LHFPL3: variants seen among roughly 807,000 people sequenced by gnomAD.
LHFPL3 encodes LHFPL tetraspan subfamily member 3, also known as LHFPL tetraspan subfamily member 3 protein.
LHFPL3 carries 5 observed loss-of-function variants against 19.3 expected under a neutral mutation model. That is an observed-to-expected ratio of 0.26 (90% CI 0.14 to 0.54). LHFPL3 has a LOEUF of 0.54. Ranked by LOEUF, LHFPL3 falls within the 20% of genes least tolerant of loss-of-function variation. LHFPL3 has a pLI of 0.94. For synonymous variants in LHFPL3, 133 were observed against 126.2 expected (o/e 1.05, Z -0.36); for missense variants, 249 against 307.4 (o/e 0.81, Z 1.42).
At chr7:104,676,889 A>G (rs532492552) in intron 1 of LHFPL3, among the ~76,000 whole-genome samples, 2 of 152,300 alleles carry the variant, frequency 1.3e-5, no homozygotes, top group Admixed American at 1.3e-4. Flanking sequence ...CTGATTCTAG[A>G]GGTGTAATCA....
At chr7:104,898,006 CTTTTTTTT>C (rs71155536) in intron 2 of LHFPL3, among the ~76,000 whole-genome samples, 1 of 96,806 alleles carries the variant, frequency 1.0e-5, no homozygotes. Context: ...AATGTCACCC[CTTTTTTTT>C]TTTTTTTTTT....
intron 1 of LHFPL3, among the ~76,000 whole-genome samples, chr7:104,346,638 C>A (rs772371592): frequency 1.3e-5 from 2 of 151,960 alleles, no homozygotes; most frequent in Admixed American, 1.3e-4. Flanking sequence ...AAGTTCTCCA[C>A]TTCCAGTGAC....
At chr7:104,346,912 C>T (rs1203963128) in intron 1 of LHFPL3, among the ~76,000 whole-genome samples, 1 of 147,210 alleles carries the variant, frequency 6.8e-6, no homozygotes, top group Non-Finnish European at 1.5e-5. Context: ...AATGTGGCGG[C>T]CATTATACCA....
rs186042976 is a variant in LHFPL3, at chr7:104,665,165, C to T, written c.446-71510C>T. Among the ~76,000 whole-genome samples, 67 of 152,242 alleles carry T rather than the reference C, an allele frequency of 4.4e-4. No homozygotes were observed. The East Asian group carries it at 0.012, about 27-fold the overall frequency. ...TGGTTTTCAAAATAGGTCATTCACT[C>T]GGTGTTGGAAACAATAGGTCATGTT... is the stretch of plus-strand genomic sequence containing the variant. On this transcript the variant is annotated intron_variant, in intron 1 of 2. Transcript: ENST00000424859.
At chr7:104,716,655 T>C (rs1301975375) in intron 1 of LHFPL3, among the ~76,000 whole-genome samples, 1 of 152,022 alleles carries the variant, frequency 6.6e-6, no homozygotes, top group Non-Finnish European at 1.5e-5. Context: ...CCACAATACG[T>C]TGATGAAAGA....
intron 1 of LHFPL3, among the ~76,000 whole-genome samples, chr7:104,450,281 C>T (rs1451910573): frequency 6.6e-6 from 1 of 152,124 alleles, no homozygotes; most frequent in Non-Finnish European, 1.5e-5. Flanking sequence ...CCCTTCTTAC[C>T]TTCAGAATTG....
At chr7:104,824,423 TAA>T (rs1215611137) in intron 2 of LHFPL3, among the ~76,000 whole-genome samples, 14 of 59,550 alleles carry the variant, frequency 2.4e-4, no homozygotes, top group Admixed American at 2.0e-3. Flanking sequence ...ATTTTATATA[TAA>T]TATATATAAT....
intron 2 of LHFPL3, among the ~76,000 whole-genome samples, chr7:104,761,055 A>G (rs2116370651): frequency 6.6e-6 from 1 of 152,288 alleles, no homozygotes; most frequent in South Asian, 2.1e-4. Flanking sequence ...AAAAATGGAA[A>G]AGTCATCTTC....
chr7:104,737,092 A>G (rs1439342751), intron 2 of LHFPL3, among the ~76,000 whole-genome samples, 181 bp downstream of exon 2: 4 of 152,136 alleles, frequency 2.6e-5, no homozygotes, highest in Non-Finnish European at 4.4e-5. Context: ...CAATAAAAAT[A>G]TAATATTATA....
chr7:104,587,061 G>A (rs981397363), intron 1 of LHFPL3, among the ~76,000 whole-genome samples: 1 of 151,840 alleles, frequency 6.6e-6, no homozygotes, highest in African/African-American at 2.4e-5. Flanking sequence ...AGAGAAAAAC[G>A]CTCATTGAGT....
chr7:104,605,346 C>T (rs920085215), intron 1 of LHFPL3, among the ~76,000 whole-genome samples: 1 of 152,012 alleles, frequency 6.6e-6, no homozygotes, highest in Non-Finnish European at 1.5e-5. Flanking sequence ...CCTATTAAAA[C>T]AAGTGAAAAA....
chr7:104,441,889 ATTC>A (rs1429710490), intron 1 of LHFPL3, among the ~76,000 whole-genome samples: 3 of 152,112 alleles, frequency 2.0e-5, no homozygotes, highest in Non-Finnish European at 4.4e-5. Context: ...CCCAATTTTA[ATTC>A]TTCTGGATAT....
Position 104,886,405 on chromosome 7 carries a change from G to A in LHFPL3, c.683-19782G>A, listed in dbSNP as rs901646432. ...TTTTTTGAGACAGTCTTGCTCTATCGCCAGGCTGGAGTGCAGTGGTGCGAT... is the reference window on the plus strand; with the variant it reads ...TTTTTTGAGACAGTCTTGCTCTATCACCAGGCTGGAGTGCAGTGGTGCGAT... On this transcript the variant is annotated intron_variant, in intron 2 of 2. Coordinates refer to ENST00000424859, the MANE Select transcript of LHFPL3 (RefSeq NM_199000.3). Among the ~76,000 whole-genome samples, 14 of 151,956 alleles carry A rather than the reference G, an allele frequency of 9.2e-5. 1 individual carries two copies. Among genetic ancestry groups the A allele is most frequent in the African/African-American group, 2.4e-4 (10 of 41,352 alleles).
chr7:104,754,528 G>A (rs577897021), intron 2 of LHFPL3, among the ~76,000 whole-genome samples: 1 of 152,286 alleles, frequency 6.6e-6, no homozygotes, highest in African/African-American at 2.4e-5. Flanking sequence ...TGACTCTTAA[G>A]CTTCTTCGTG....
chr7:104,638,045 T>C (rs945161490), intron 1 of LHFPL3, among the ~76,000 whole-genome samples: 8 of 152,170 alleles, frequency 5.3e-5, no homozygotes, highest in Non-Finnish European at 1.2e-4. Flanking sequence ...TTCCATCTGT[T>C]TGTGTCATCT....
chr7:104,752,562 GA>G (rs1317161794), intron 2 of LHFPL3, among the ~76,000 whole-genome samples: 1 of 146,564 alleles, frequency 6.8e-6, no homozygotes, highest in Non-Finnish European at 1.5e-5. Context: ...TCTATTATTT[GA>G]AATAGCTTGA....
At chr7:104,681,509 C>G (rs1365227673) in intron 1 of LHFPL3, among the ~76,000 whole-genome samples, 1 of 151,952 alleles carries the variant, frequency 6.6e-6, no homozygotes, top group East Asian at 1.9e-4. Context: ...GTAATCCCAG[C>G]TACTCAGGAG....
At chr7:104,415,237 G>C (rs1210398404) in intron 1 of LHFPL3, among the ~76,000 whole-genome samples, 1 of 152,186 alleles carries the variant, frequency 6.6e-6, no homozygotes, top group African/African-American at 2.4e-5. Flanking sequence ...AACATACTCT[G>C]TAATGCCAAC....
chr7:104,825,742 A>T (rs1790804757), intron 2 of LHFPL3, among the ~76,000 whole-genome samples: 1 of 151,942 alleles, frequency 6.6e-6, no homozygotes, highest in African/African-American at 2.4e-5. Context: ...TTCCATCCTC[A>T]AGATAACCTT....
Sources: gnomAD v4.1 joint callset for allele counts (sites outside exome capture counted in the v4.1 genomes callset) on GRCh38, gnomAD v4.1.1 for gene constraint, MANE v1.5 for transcripts, NCBI Gene and HGNC (gene_info 2026-07-23, HGNC 2026-07-21) for gene names.